C2orf72: variants seen among roughly 807,000 people sequenced by gnomAD.
C2orf72 encodes chromosome 2 open reading frame 72.
A neutral mutation model predicts 14.4 loss-of-function variants in C2orf72; 16 were observed. That is an observed-to-expected ratio of 1.11 (90% CI 0.75 to 1.69). C2orf72 has a LOEUF of 1.69. C2orf72 is among the 40% of genes most tolerant of loss of function. The pLI is 0.00. For synonymous variants in C2orf72, 168 were observed against 176.8 expected, an observed-to-expected ratio of 0.95 and a Z score of 0.40; for missense variants, 371 against 358.3, an observed-to-expected ratio of 1.04 and a Z score of -0.29.
intron 2 of C2orf72, among the ~76,000 whole-genome samples, chr2:231,046,624 T>C (rs1693419553): frequency 6.6e-6 from 1 of 152,170 alleles, no homozygotes; most frequent in Admixed American, 6.5e-5. Context: ...CCATCTTCAG[T>C]GTCAGTTTCA....
At chr2:231,038,974 A>T (rs1230819328) in intron 1 of C2orf72, among the ~76,000 whole-genome samples, 1 of 152,104 alleles carries the variant, frequency 6.6e-6, no homozygotes, top group African/African-American at 2.4e-5. Flanking sequence ...AAGGGTCAGG[A>T]TCTCCTTCCT....
chr2:231,039,057 T>A (rs1477168658), intron 1 of C2orf72, among the ~76,000 whole-genome samples: 1 of 152,082 alleles, frequency 6.6e-6, no homozygotes, highest in African/African-American at 2.4e-5. Context: ...AGTAGCTGCA[T>A]CTGGCTATCG....
At chr2:231,045,290 T>TAG (rs978364322) in intron 2 of C2orf72, among the ~76,000 whole-genome samples, 3 of 147,990 alleles carry the variant, frequency 2.0e-5, no homozygotes, top group African/African-American at 7.4e-5. Flanking sequence ...TTTATATATA[T>TAG]AGAGAGAGAG....
At chr2:231,044,945 T>TTTTATATATA (rs1553555571) in intron 2 of C2orf72, among the ~76,000 whole-genome samples, 23 of 141,668 alleles carry the variant, frequency 1.6e-4, no homozygotes, top group African/African-American at 6.1e-4. Context: ...ATATATATCT[T>TTTTATATATA]TATATATATA....
chr2:231,046,223 C>G (rs1333689605), intron 2 of C2orf72, among the ~76,000 whole-genome samples: 1 of 151,972 alleles, frequency 6.6e-6, no homozygotes, highest in Non-Finnish European at 1.5e-5. Context: ...TGCAATAGCA[C>G]AAACGGGATA....
intron 1 of C2orf72, among the ~76,000 whole-genome samples, chr2:231,039,474 TTG>T (rs1280883227): frequency 1.3e-5 from 2 of 151,998 alleles, no homozygotes; most frequent in African/African-American, 2.4e-5. Context: ...AGTGGCTGTA[TTG>T]TGTGTCTCCT....
In C2orf72 at chr2:231,037,700, C is replaced by A; in HGVS notation, c.135C>A (p.Ser45Arg). 1 of 1,044,088 alleles carries A rather than the reference C, an allele frequency of 9.6e-7. No homozygotes were observed. Among genetic ancestry groups the A allele is most frequent in the Admixed American group, 5.7e-5 (1 of 17,556 alleles). 64.7% of individuals were successfully genotyped at this position (1,044,088 alleles called of 1,614,324 possible). The change falls in exon 1 of 3, where the codon AGC becomes AGA. Residue 45 changes from serine (S) to arginine (R), a missense_variant. Coordinates refer to ENST00000373640, the MANE Select transcript of C2orf72 (RefSeq NM_001144994.2). ...LVGELWEREQ[S>R]RALLRDFARA... The stretch of plus-strand genomic sequence containing the variant: ...GCGAGCTGTGGGAGCGCGAACAGAG[C>A]CGCGCGCTGCTGCGGGACTTCGCAC...
At position 231,047,010 on chromosome 2, in the gene C2orf72, G is replaced by T. The variant is rs758404003; in HGVS notation, c.877G>T (p.Asp293Tyr). 15 of 1,551,574 alleles carry T rather than the reference G, an allele frequency of 9.7e-6. No individual in the cohort carries two copies. In the Middle Eastern group the frequency reaches 5.0e-4, roughly 52 times the overall value. ...ACACACTCCTGCTGAGCCCACCGGA[G>T]ACTCAAGATGAAGGCTGGACCCTTG... ...VVHTPAEPTG[D>Y]SR Residue 293 changes from aspartate (D) to tyrosine (Y), a missense_variant, in exon 3 of 3, where the codon GAC (aspartate) becomes TAC (tyrosine). Physicochemically the swap from Asp to Tyr is radical, Grantham distance 160. Around this residue, in one of 3 missense-constraint regions of C2orf72, gnomAD observed 145 missense variants for 149.4 expected, o/e 0.97. Transcript: ENST00000373640.
Position 231,045,740 on chromosome 2 carries a change from G to A in C2orf72, c.749-1142G>A, listed in dbSNP as rs1341219067. On this transcript the variant is annotated intron_variant, in intron 2 of 2. Coordinates refer to ENST00000373640, the MANE Select transcript of C2orf72 (RefSeq NM_001144994.2). The stretch of plus-strand genomic sequence containing the variant: ...TCACCATGTTAGACAGGATGGTCTC[G>A]ATCTCCTGACCTCGTGATCTGTCCG... 1.2e-4 allele frequency among the ~76,000 whole-genome samples: 19 copies of A among 152,032 alleles called. 1 individual carries two copies. The highest frequency in any genetic ancestry group is 6.2e-4 in the South Asian group (3 of 4,822).
At chr2:231,046,103 A>G (rs1660833004) in intron 2 of C2orf72, among the ~76,000 whole-genome samples, 1 of 152,192 alleles carries the variant, frequency 6.6e-6, no homozygotes, top group South Asian at 2.1e-4. Context: ...GACCAGCATG[A>G]GTGACATAGT....
chr2:231,045,951 T>C (rs1574691072), intron 2 of C2orf72, among the ~76,000 whole-genome samples: 1 of 152,342 alleles, frequency 6.6e-6, no homozygotes, highest in African/African-American at 2.4e-5. Context: ...ATAACTGCCT[T>C]CCACAGCAAT....
At chr2:231,039,991 C>T (rs1486067087) in intron 1 of C2orf72, among the ~76,000 whole-genome samples, 1 of 152,154 alleles carries the variant, frequency 6.6e-6, no homozygotes, top group African/African-American at 2.4e-5. Flanking sequence ...GATCCACCCA[C>T]TTTGGCCTCC....
chr2:231,044,891 C>T (rs539376359), intron 2 of C2orf72, among the ~76,000 whole-genome samples: 49 of 146,978 alleles, frequency 3.3e-4, no homozygotes, highest in Non-Finnish European at 6.0e-4. Context: ...GGCAGTTTTA[C>T]AATTAACTAT....
At chr2:231,044,666 A>ATTTTTTTTTTT (rs934535205) in intron 2 of C2orf72, among the ~76,000 whole-genome samples, 2 of 115,096 alleles carry the variant, frequency 1.7e-5, no homozygotes, top group African/African-American at 3.6e-5. Flanking sequence ...TCCTATTTTA[A>ATTTTTTTTTTT]TTTTTTTTTT....
rs773578544 is a variant in C2orf72, at chr2:231,037,588, T to C, written c.23T>C (p.Leu8Pro). 6 of 1,061,262 alleles carry C rather than the reference T, an allele frequency of 5.7e-6. No individual in the cohort carries two copies. Among genetic ancestry groups the C allele is most frequent in the South Asian group, 3.0e-5 (1 of 33,864 alleles). 65.7% of individuals were successfully genotyped at this position (1,061,262 alleles called of 1,614,324 possible). MERELEA[L>P]AARLARPAEP... The stretch of plus-strand genomic sequence containing the variant: ...AGCATGGAGCGCGAGCTGGAGGCGC[T>C]GGCGGCCCGGCTTGCGCGCCCTGCC... Residue 8 changes from leucine to proline, a missense_variant, in exon 1 of 3, where the codon CTG (leucine) becomes CCG (proline). Transcript: ENST00000373640.
chr2:231,046,905 G>T lies in C2orf72; in HGVS notation c.772G>T (p.Glu258Ter), dbSNP rs1284441277. Residue 258 changes from glutamate (E) to a stop codon, truncating the protein, a stop_gained, in exon 3 of 3, where the codon GAG (glutamate) becomes TAG (stop). Coordinates refer to ENST00000373640, the MANE Select transcript of C2orf72 (RefSeq NM_001144994.2). LOFTEE classifies it low-confidence loss of function (END_TRUNC). ...AQEDFQEPEE[E>*]LPLTAIFPNG... ...AGAAGACTTCCAGGAACCTGAGGAG[G>T]AGCTGCCACTAACAGCCATATTTCC... 1 of 1,551,400 alleles carries T rather than the reference G, an allele frequency of 6.4e-7. No individual in the cohort carries two copies. Among genetic ancestry groups the T allele is most frequent in the Non-Finnish European group, 8.7e-7 (1 of 1,146,808 alleles).
At chr2:231,040,593 C>G (rs1559208987) in intron 1 of C2orf72, among the ~76,000 whole-genome samples, 1 of 152,230 alleles carries the variant, frequency 6.6e-6, no homozygotes, top group Non-Finnish European at 1.5e-5. Context: ...ATTCATGTCA[C>G]TAAGATTTCG....
chr2:231,039,415 C>T (rs941199398), intron 1 of C2orf72, among the ~76,000 whole-genome samples: 8 of 151,630 alleles, frequency 5.3e-5, no homozygotes, highest in Non-Finnish European at 2.9e-5. Flanking sequence ...CCCAGCTGGG[C>T]AGCCCTTCAA....
rs1439933646 is a variant in C2orf72, at chr2:231,047,619, C to A, written c.*598C>A. 2 of 222,608 alleles carry A rather than the reference C, an allele frequency of 9.0e-6. No homozygotes were observed. The highest frequency in any genetic ancestry group is 1.8e-5 in the Non-Finnish European group (2 of 109,478). 13.8% of individuals were successfully genotyped at this position (222,608 alleles called of 1,614,324 possible). On this transcript the variant is annotated 3_prime_UTR_variant, in exon 3 of 3. Transcript: ENST00000373640. ...CCCCTGGCATCTAGTGGGCATCCCA[C>A]AATGTGCAGAACAGTCTCTGACAGC... is the stretch of plus-strand genomic sequence containing the variant.
Sources: gnomAD v4.1 joint callset for allele counts (sites outside exome capture counted in the v4.1 genomes callset) on GRCh38, gnomAD v4.1.1 for gene constraint, gnomAD v4.1.1 regional missense constraint, MANE v1.5 for transcripts, NCBI Gene and HGNC (gene_info 2026-07-23, HGNC 2026-07-21) for gene names.